Variants in VWA3A observed in about 807,000 individuals in gnomAD.
VWA3A encodes the protein von Willebrand factor A domain-containing protein 3A.
In VWA3A, 134 loss-of-function variants were observed where a neutral mutation model predicts 160.4. The ratio of observed to expected loss-of-function variants is 0.84; its 90% CI spans 0.73 to 0.96. VWA3A has a LOEUF of 0.96. Among genes scored for constraint, VWA3A ranks in the 40% least tolerant of loss-of-function variants. VWA3A has a pLI of 0.00. For missense variants in VWA3A, 1,310 were observed against 1,447.9 expected (o/e 0.90, Z 1.55); for synonymous variants, 476 against 543.4 (o/e 0.88, Z 1.72).
intron 16 of VWA3A, among the ~76,000 whole-genome samples, chr16:22,124,569 T>C (rs2045808951): frequency 7.1e-6 from 1 of 141,100 alleles, no homozygotes; most frequent in Admixed American, 7.0e-5. Flanking sequence ...ATTATTATTA[T>C]TATTATTAGA....
At position 22,155,641 on chromosome 16, in the gene VWA3A, C is replaced by G. The variant is rs2046427207; in HGVS notation, c.3480C>G (p.Phe1160Leu). Reference sequence around the variant, plus strand: ...AGGAGATCACCAAGGCCAGAAGCTTCCTCTGGCAGGCCCAATCCTTCAGGT... The same window carrying G: ...AGGAGATCACCAAGGCCAGAAGCTTGCTCTGGCAGGCCCAATCCTTCAGGT... ...LAQEITKARS[F>L]LWQAQSFRSQ... The change falls in exon 32 of 34, where the codon TTC becomes TTG. Residue 1160 changes from phenylalanine (F) to leucine (L), a missense_variant. Transcript: ENST00000389398. The G allele has an allele frequency of 6.2e-7, 1 of 1,613,966 alleles. No homozygotes were observed. Among genetic ancestry groups the G allele is most frequent in the African/African-American group, 1.3e-5 (1 of 75,040 alleles).
intron 16 of VWA3A, among the ~76,000 whole-genome samples, chr16:22,125,955 C>A (rs2045841106): frequency 6.6e-6 from 1 of 152,116 alleles, no homozygotes; most frequent in South Asian, 2.1e-4. Context: ...AGGCTTTATT[C>A]CATTAAAGCA....
intron 33 of VWA3A, 41 bp downstream of exon 33, chr16:22,155,957 C>T: frequency 6.3e-7 from 1 of 1,591,574 alleles, no homozygotes; most frequent in South Asian, 1.1e-5. Flanking sequence ...TGAGTGTGCA[C>T]TAAGCACCAA....
Position 22,131,248 on chromosome 16 carries a change from G to C in VWA3A, c.1696G>C (p.Val566Leu), listed in dbSNP as rs756509297. 6.2e-7 allele frequency: 1 copy of C among 1,613,850 alleles called. No homozygotes were observed. Among genetic ancestry groups the C allele is most frequent in the South Asian group, 1.1e-5 (1 of 91,058 alleles). The change falls in exon 18 of 34, where the codon GTG becomes CTG. Residue 566 changes from valine (V) to leucine (L), a missense_variant. Physicochemically the swap from Val to Leu is conservative, Grantham distance 32. Transcript: ENST00000389398. ...AAGCTGGAGGCCTGAGATGGTTCCCGTGAGTCACAACAATTTACAAAGTGC... is the reference window on the plus strand; with the variant it reads ...AAGCTGGAGGCCTGAGATGGTTCCCCTGAGTCACAACAATTTACAAAGTGC... Reference protein sequence around the residue: ...IESWRPEMVPVSHNNLQSAWR... With the variant: ...IESWRPEMVPLSHNNLQSAWR...
intron 1 of VWA3A, among the ~76,000 whole-genome samples, chr16:22,095,118 A>G (rs1388148523): frequency 1.3e-5 from 2 of 152,184 alleles, no homozygotes; most frequent in African/African-American, 4.8e-5. Flanking sequence ...AAATCCCTCT[A>G]ATGAATGTAT....
intron 22 of VWA3A, 48 bp from the exon 23 acceptor site, chr16:22,140,106 G>A (rs568613455): frequency 4.0e-5 from 63 of 1,575,378 alleles, no homozygotes; most frequent in East Asian, 1.1e-4. Context: ...GGGATCCTGC[G>A]TGACACAGGG....
intron 27 of VWA3A, chr16:22,147,647 A>C: frequency 1.4e-6 from 1 of 703,074 alleles, no homozygotes; most frequent in Non-Finnish European, 2.6e-6. Context: ...CTTCAGGTAC[A>C]GTTGTCAGGT....
At chr16:22,131,792 G>A in intron 19 of VWA3A, 63 bp downstream of exon 19, 1 of 1,542,186 alleles carries the variant, frequency 6.5e-7, no homozygotes, top group Non-Finnish European at 8.7e-7. Flanking sequence ...TCCCCCAGGT[G>A]GATACCTTGC....
At chr16:22,113,366 T>TTTTC in intron 8 of VWA3A, among the ~76,000 whole-genome samples, 1 of 85,304 alleles carries the variant, frequency 1.2e-5, no homozygotes, top group Non-Finnish European at 2.0e-5. Context: ...TAATTTTCTT[T>TTTTC]TTTTTTTTTT....
At chr16:22,124,527 CATCT>C (rs2045806334) in intron 16 of VWA3A, among the ~76,000 whole-genome samples, 1 of 142,430 alleles carries the variant, frequency 7.0e-6, no homozygotes, top group Admixed American at 7.1e-5. Context: ...TAATACTATA[CATCT>C]ATTATTATTA....
chr16:22,115,852 A>C, intron 9 of VWA3A, among the ~76,000 whole-genome samples: 1 of 4,638 alleles, frequency 2.2e-4, no homozygotes, highest in African/African-American at 6.9e-3. Context: ...GAAGGAAGGA[A>C]GGAAGGAAGG....
intron 24 of VWA3A, 28 bp from the exon 25 acceptor site, chr16:22,142,640 A>G: frequency 6.5e-7 from 1 of 1,528,316 alleles, no homozygotes; most frequent in Non-Finnish European, 8.9e-7. Flanking sequence ...TCCAAACTAT[A>G]GCAATGACCT....
chr16:22,141,284 C>T (rs956737444), intron 23 of VWA3A: 2 of 560,986 alleles, frequency 3.6e-6, no homozygotes, highest in Admixed American at 4.4e-5. Flanking sequence ...TGGTGGATTC[C>T]CACTTACCTT....
intron 26 of VWA3A, among the ~76,000 whole-genome samples, chr16:22,145,210 C>T (rs2142006981): frequency 6.6e-6 from 1 of 152,254 alleles, no homozygotes; most frequent in Admixed American, 6.5e-5. Context: ...CTAAAAATAG[C>T]CACAAAATTC....
In VWA3A at chr16:22,144,330, A is replaced by G. The variant is rs1217062159; in HGVS notation, c.2676A>G (p.Gly892=). The G allele has an allele frequency of 7.4e-6, 12 of 1,613,970 alleles. No individual in the cohort carries two copies. The highest frequency in any genetic ancestry group is 1.0e-5 in the Non-Finnish European group (12 of 1,179,888). ...CCAACTGCACTCATCAAAAGTCAGG[A>G]CAGAGGTCAGCATCCGCCAAACACT... ...MGPNCTHQKS[G]QRSASAKHCS... is the part of the protein sequence containing the mutation. Residue 892 remains glycine (G), a synonymous_variant, in exon 26 of 34, where the codon GGA becomes GGG. Transcript: ENST00000389398.
chr16:22,149,864 A>G lies in VWA3A; in HGVS notation c.3062A>G (p.His1021Arg), dbSNP rs8062281. 1.9e-6 allele frequency: 3 copies of G among 1,612,734 alleles called. No individual in the cohort carries two copies. The highest frequency in any genetic ancestry group is 1.7e-5 in the Admixed American group (1 of 59,920). The change falls in exon 29 of 34, where the codon CAT (histidine) becomes CGT (arginine). Residue 1021 changes from histidine to arginine, a missense_variant. Coordinates refer to ENST00000389398, the MANE Select transcript of VWA3A (RefSeq NM_173615.5). ...GTGGAGACCACAGATGCAGCGTGTC[A>G]TGAGGCTATGCAATGGGTGACCCAC... ...TLVETTDAAC[H>R]EAMQWVTHLQ...
At chr16:22,117,468 C>T (rs1411470645) in intron 11 of VWA3A, among the ~76,000 whole-genome samples, 1 of 152,194 alleles carries the variant, frequency 6.6e-6, no homozygotes, top group East Asian at 1.9e-4. Flanking sequence ...AATCCTCAGT[C>T]TCACTCCAGT....
At chr16:22,145,695 T>C (rs758407371) in intron 26 of VWA3A, among the ~76,000 whole-genome samples, 22 of 151,598 alleles carry the variant, frequency 1.5e-4, no homozygotes, top group Admixed American at 3.9e-4. Context: ...AGCAACTGCA[T>C]TTACCAAAAA....
intron 22 of VWA3A, 104 bp from the exon 23 acceptor site, chr16:22,140,050 C>A: frequency 1.8e-6 from 2 of 1,114,514 alleles, no homozygotes; most frequent in Non-Finnish European, 1.3e-6. Context: ...CCCTTAGGCT[C>A]CTCCCTACAA....
Sources: allele counts gnomAD v4.1 joint callset (sites outside exome capture counted in the v4.1 genomes callset), GRCh38; gene constraint gnomAD v4.1.1; transcripts MANE v1.5; gene names NCBI Gene and HGNC (gene_info 2026-07-23, HGNC 2026-07-21).